Variants in MAEL observed in about 807,000 individuals in gnomAD.
MAEL encodes maelstrom spermatogenic transposon silencer.
A neutral mutation model predicts 62.0 loss-of-function variants in MAEL; 46 were observed. The ratio of observed to expected loss-of-function variants is 0.74; its 90% CI spans 0.59 to 0.95. The LOEUF is 0.95. MAEL is among the 40% of genes least tolerant of loss of function. MAEL has a pLI of 0.00. For missense variants in MAEL, 497 were observed against 526.8 expected (o/e 0.94, Z 0.55); for synonymous variants, 172 against 175.5 (o/e 0.98, Z 0.16).
At chr1:167,021,026 A>G (rs1665606462) in intron 10 of MAEL, 59 bp from the exon 11 acceptor site, 1 of 1,195,104 alleles carries the variant, frequency 8.4e-7, no homozygotes, top group Non-Finnish European at 1.2e-6. Flanking sequence ...AAGACAGACC[A>G]TCCAGTAATG....
intron 1 of MAEL, among the ~76,000 whole-genome samples, chr1:166,980,227 T>A (rs1466285124): frequency 3.9e-5 from 6 of 152,130 alleles, no homozygotes; most frequent in Admixed American, 3.3e-4. Context: ...CATCTTGCTA[T>A]GTTGCCCAGT....
chr1:166,979,450 G>A (rs997803980), intron 1 of MAEL, among the ~76,000 whole-genome samples: 1 of 152,044 alleles, frequency 6.6e-6, no homozygotes, highest in Non-Finnish European at 1.5e-5. Context: ...TCTAGGCACC[G>A]TATACTGAAA....
chr1:167,014,777 C>T (rs1057256930), intron 8 of MAEL, among the ~76,000 whole-genome samples: 1 of 152,138 alleles, frequency 6.6e-6, no homozygotes, highest in Non-Finnish European at 1.5e-5. Flanking sequence ...AATCCCAGCA[C>T]TATGGGAGGC....
Position 167,004,966 on chromosome 1 carries a change from C to G in MAEL, c.649-110C>G, listed in dbSNP as rs1664831240. On this transcript the variant is annotated intron_variant, in intron 6 of 11. Coordinates refer to ENST00000367872, the MANE Select transcript of MAEL (RefSeq NM_032858.3). ...AACTCCTCAGTCTTTCTCCTGTGCC[C>G]CCTACCTCCCAACCCCCACATTTTG... The G allele has an allele frequency of 2.4e-5, 23 of 967,754 alleles. No homozygotes were observed. The South Asian group carries it at 3.2e-4, about 13-fold the overall frequency. 59.9% of individuals were successfully genotyped at this position (967,754 alleles called of 1,614,324 possible).
chr1:167,000,065 T>C (rs1296120745), intron 5 of MAEL, among the ~76,000 whole-genome samples: 2 of 152,234 alleles, frequency 1.3e-5, no homozygotes, highest in South Asian at 2.1e-4. Context: ...AATGTTTTCA[T>C]GCCTGCTACC....
chr1:166,985,708 A>T (rs1024217870), upstream of MAEL, among the ~76,000 whole-genome samples: 2 of 152,262 alleles, frequency 1.3e-5, no homozygotes, highest in Non-Finnish European at 2.9e-5. Flanking sequence ...AAAAATGTTT[A>T]TAAGAATATA....
chr1:167,004,422 T>A, intron 6 of MAEL, 118 bp downstream of exon 6: 1 of 863,708 alleles, frequency 1.2e-6, no homozygotes, highest in South Asian at 2.6e-5. Flanking sequence ...TAAAACACAC[T>A]CATTTTGAAT....
intron 5 of MAEL, among the ~76,000 whole-genome samples, chr1:166,998,824 T>G (rs1261773410): frequency 2.6e-5 from 4 of 152,246 alleles, no homozygotes; most frequent in Admixed American, 2.6e-4. Context: ...TGCTTACTTT[T>G]CTCTGTGTCA....
intron 8 of MAEL, among the ~76,000 whole-genome samples, chr1:167,013,658 T>C (rs1181634287): frequency 6.6e-6 from 1 of 152,210 alleles, no homozygotes; most frequent in Non-Finnish European, 1.5e-5. Flanking sequence ...TTTTGTTCTT[T>C]TTCATGTTGC....
Position 166,977,717 on chromosome 1 carries a change from G to C in MAEL, c.-121+2051G>C, listed in dbSNP as rs112183445. ...ACCTGTAATCTCAGCACTTCGGGAA[G>C]CTGAGGTGGGCGGATTGCTTGAGCT... On this transcript the variant is annotated intron_variant, in intron 1 of 12. Transcript: ENST00000622874. Among the ~76,000 whole-genome samples the C allele has an allele frequency of 4.5e-3, 684 of 152,318 alleles. 8 individuals carry two copies. The highest frequency in any genetic ancestry group is 0.016 in the African/African-American group (654 of 41,572).
chr1:167,019,387 G>A (rs566312213), intron 10 of MAEL, among the ~76,000 whole-genome samples: 5 of 152,062 alleles, frequency 3.3e-5, no homozygotes, highest in African/African-American at 1.2e-4. Flanking sequence ...GTTACTATAG[G>A]AAGCCTAGGA....
chr1:167,012,583 A>C (rs1467914307), intron 8 of MAEL: 1 of 152,224 alleles, frequency 6.6e-6, no homozygotes, highest in East Asian at 1.9e-4. Context: ...TACAGTACAT[A>C]ATAAAGAAAA....
chr1:167,008,125 C>T (rs2102107360), intron 8 of MAEL, among the ~76,000 whole-genome samples: 1 of 152,070 alleles, frequency 6.6e-6, no homozygotes, highest in East Asian at 1.9e-4. Flanking sequence ...TTGGGGATAA[C>T]TGAAATATTT....
chr1:166,976,011 G>A (rs1663567761), intron 1 of MAEL, among the ~76,000 whole-genome samples: 1 of 152,188 alleles, frequency 6.6e-6, no homozygotes, highest in Non-Finnish European at 1.5e-5. Context: ...CCTCCGTCTG[G>A]TTTCCTTTTT....
chr1:167,004,081 G>A (rs2102095978), intron 5 of MAEL, 99 bp from the exon 6 acceptor site: 1 of 1,022,194 alleles, frequency 9.8e-7, no homozygotes, highest in East Asian at 2.4e-5. Context: ...ACTTAACTGT[G>A]TGTTACCCAC....
At chr1:167,012,233 C>CTAAGAGAAATGGG (rs1265426728) in intron 8 of MAEL, 1 of 152,124 alleles carries the variant, frequency 6.6e-6, no homozygotes, top group Non-Finnish European at 1.5e-5. Context: ...AATGTTTTGT[C>CTAAGAGAAATGGG]TAGTTCTAAG....
intron 9 of MAEL, 85 bp from the exon 10 acceptor site, chr1:167,017,738 GCTTT>G: frequency 1.6e-6 from 2 of 1,268,638 alleles, no homozygotes; most frequent in Non-Finnish European, 2.2e-6. Context: ...TACCTCAGAT[GCTTT>G]CTTTTTGTTA....
At chr1:166,995,229 T>G (rs1664370588) in intron 5 of MAEL, among the ~76,000 whole-genome samples, 1 of 151,928 alleles carries the variant, frequency 6.6e-6, no homozygotes, top group African/African-American at 2.4e-5. Flanking sequence ...GGAGAATTGT[T>G]CTAGTAGTTC....
chr1:167,005,421 G>C (rs1664851629), intron 8 of MAEL, 24 bp downstream of exon 8: 1 of 1,573,010 alleles, frequency 6.4e-7, no homozygotes. Context: ...TTTTGTTTTA[G>C]AGTCATTTTG....
Sources: gnomAD v4.1 joint callset for allele counts (sites outside exome capture counted in the v4.1 genomes callset) on GRCh38, gnomAD v4.1.1 for gene constraint, MANE v1.5 for transcripts, NCBI Gene and HGNC (gene_info 2026-07-23, HGNC 2026-07-21) for gene names.